ELF1: variants seen among roughly 807,000 people sequenced by gnomAD.
ELF1 encodes the protein ETS-related transcription factor Elf-1.
Under a neutral mutation model 59.9 loss-of-function variants are expected in ELF1, and 24 were observed. That is an observed-to-expected ratio of 0.40 (90% CI 0.29 to 0.56). ELF1 has a LOEUF of 0.56. Ranked by LOEUF, ELF1 falls within the 20% of genes least tolerant of loss-of-function variation. The pLI is 0.44. For synonymous variants in ELF1, 248 were observed against 266.2 expected, an observed-to-expected ratio of 0.93 and a Z score of 0.67; for missense variants, 627 against 742.2, an observed-to-expected ratio of 0.84 and a Z score of 1.80.
Position 40,986,277 on chromosome 13 carries a change from T to C in ELF1, c.-228-3995A>G, listed in dbSNP as rs1045084022. Among the ~76,000 whole-genome samples the C allele has an allele frequency of 2.0e-5, 3 of 152,328 alleles. 1 individual carries two copies. In the South Asian group the frequency reaches 6.2e-4, roughly 32 times the overall value. ...ACTTGCTTGGTGTCTCAGTCCCCTC[T>C]TTCCATAAAATAGGTGTCAGTCTCA... is the stretch of plus-strand genomic sequence containing the variant. On this transcript the variant is annotated intron_variant, in intron 1 of 8. Coordinates refer to ENST00000239882, the MANE Select transcript of ELF1 (RefSeq NM_172373.4).
chr13:40,966,207 C>T (rs1872164327), intron 2 of ELF1, among the ~76,000 whole-genome samples: 1 of 152,200 alleles, frequency 6.6e-6, no homozygotes, highest in Non-Finnish European at 1.5e-5. Flanking sequence ...GAACTAAAAT[C>T]TATCAAAGAT....
chr13:40,990,443 T>C (rs1301924340), intron 1 of ELF1, among the ~76,000 whole-genome samples: 1 of 152,226 alleles, frequency 6.6e-6, no homozygotes, highest in African/African-American at 2.4e-5. Context: ...ATTTTCTTTA[T>C]AGCATGTATT....
chr13:40,968,516 G>T (rs1872324071), intron 2 of ELF1, among the ~76,000 whole-genome samples: 1 of 151,984 alleles, frequency 6.6e-6, no homozygotes, highest in African/African-American at 2.4e-5. Context: ...AAATTCCAAA[G>T]TGTATTTTAA....
chr13:41,026,592 T>C (rs1875930601), intron 1 of ELF1, among the ~76,000 whole-genome samples: 1 of 152,178 alleles, frequency 6.6e-6, no homozygotes, highest in African/African-American at 2.4e-5. Flanking sequence ...GAGCAAGACC[T>C]TGCCATCAAC....
chr13:41,002,114 G>C (rs1283975890), intron 1 of ELF1, among the ~76,000 whole-genome samples: 1 of 152,004 alleles, frequency 6.6e-6, no homozygotes, highest in Admixed American at 6.6e-5. Context: ...AAATCTGGGG[G>C]GGAAATAGGT....
chr13:40,980,244 T>G (rs1027967663), intron 2 of ELF1, among the ~76,000 whole-genome samples: 8 of 152,210 alleles, frequency 5.3e-5, no homozygotes, highest in Non-Finnish European at 1.2e-4. Flanking sequence ...TCCAGGAAAG[T>G]GACTTAACCT....
At chr13:40,956,495 T>A (rs1871441081) in intron 3 of ELF1, among the ~76,000 whole-genome samples, 2 of 149,590 alleles carry the variant, frequency 1.3e-5, no homozygotes, top group Non-Finnish European at 3.0e-5. Flanking sequence ...TATCTGCACT[T>A]ATCTGCTGAC....
At chr13:41,038,537 C>T (rs895346354) in intron 1 of ELF1, among the ~76,000 whole-genome samples, 28 of 152,136 alleles carry the variant, frequency 1.8e-4, no homozygotes, top group African/African-American at 6.7e-4. Flanking sequence ...TCTATAAAAA[C>T]ATTAGATTCT....
chr13:41,009,765 G>C (rs758481958), intron 1 of ELF1, among the ~76,000 whole-genome samples: 2 of 151,904 alleles, frequency 1.3e-5, no homozygotes, highest in African/African-American at 2.4e-5. Flanking sequence ...AAAAAACTTC[G>C]AATTAATGTT....
chr13:40,942,822 G>A (rs1322838980), intron 7 of ELF1, 130 bp downstream of exon 7: 2 of 1,001,300 alleles, frequency 2.0e-6, no homozygotes, highest in East Asian at 5.7e-5. Flanking sequence ...GCACCTGACT[G>A]AAAATGTACC....
chr13:41,030,051 A>G (rs961712760), intron 1 of ELF1, among the ~76,000 whole-genome samples: 4 of 151,264 alleles, frequency 2.6e-5, no homozygotes, highest in Non-Finnish European at 4.4e-5. Flanking sequence ...AATAATTACC[A>G]TATATATATA....
At chr13:40,969,951 T>C (rs1222904834) in intron 2 of ELF1, among the ~76,000 whole-genome samples, 1 of 152,126 alleles carries the variant, frequency 6.6e-6, no homozygotes, top group Non-Finnish European at 1.5e-5. Context: ...CACGAAACTA[T>C]CTGGGCCTAC....
chr13:41,019,816 GCAGATCTGTAAGTT>G (rs1363833209), upstream of ELF1, among the ~76,000 whole-genome samples: 1 of 152,116 alleles, frequency 6.6e-6, no homozygotes, highest in Non-Finnish European at 1.5e-5. Flanking sequence ...AAAGCCAGAT[GCAGATCTGTAAGTT>G]CACTAAACAG....
intron 1 of ELF1, among the ~76,000 whole-genome samples, chr13:41,004,261 G>C (rs545874304): frequency 6.6e-6 from 1 of 151,828 alleles, no homozygotes; most frequent in African/African-American, 2.4e-5. Flanking sequence ...GTGAGAACCT[G>C]AAAAAACTTC....
intron 1 of ELF1, among the ~76,000 whole-genome samples, chr13:41,017,151 T>C (rs190390509): frequency 2.6e-5 from 4 of 151,698 alleles, no homozygotes; most frequent in African/African-American, 9.7e-5. Flanking sequence ...GAATGCATCA[T>C]CTTTCTGATG....
intron 2 of ELF1, among the ~76,000 whole-genome samples, chr13:40,977,257 G>T (rs1872969033): frequency 6.6e-6 from 1 of 151,954 alleles, no homozygotes; most frequent in African/African-American, 2.4e-5. Context: ...TAACACGCTT[G>T]TTAAGATCAA....
At chr13:41,044,290 C>T (rs1212523614) in intron 1 of ELF1, among the ~76,000 whole-genome samples, 1 of 152,134 alleles carries the variant, frequency 6.6e-6, no homozygotes, top group East Asian at 1.9e-4. Context: ...CCCTTTATTT[C>T]TTTCTCCTGC....
intron 2 of ELF1, among the ~76,000 whole-genome samples, chr13:40,970,263 A>T (rs1057265929): frequency 3.9e-5 from 6 of 152,202 alleles, no homozygotes; most frequent in African/African-American, 1.4e-4. Flanking sequence ...TCAGAACTGG[A>T]ATCTAGACTT....
chr13:40,992,686 C>A (rs1196793923), intron 1 of ELF1: 3 of 177,608 alleles, frequency 1.7e-5, no homozygotes, highest in African/African-American at 7.2e-5. Flanking sequence ...CAAACTGGGA[C>A]CTTCTATCAG....
Sources: gnomAD v4.1 joint callset for allele counts (sites outside exome capture counted in the v4.1 genomes callset) on GRCh38, gnomAD v4.1.1 for gene constraint, MANE v1.5 for transcripts, NCBI Gene and HGNC (gene_info 2026-07-23, HGNC 2026-07-21) for gene names.